Variants in SMAD2 observed in about 807,000 individuals in gnomAD.
The protein encoded by SMAD2 is MAD homolog 2.
SMAD2 carries 8 observed loss-of-function variants against 64.4 expected under a neutral mutation model. That is an observed-to-expected ratio of 0.12 (90% CI 0.07 to 0.22). SMAD2 has a LOEUF of 0.22. Among genes scored for constraint, SMAD2 ranks in the 10% least tolerant of loss-of-function variants. The pLI is 1.00. For synonymous variants in SMAD2, 203 were observed against 195.8 expected (o/e 1.04, Z -0.31); for missense variants, 289 against 561.2 (o/e 0.51, Z 4.90).
intron 1 of SMAD2, among the ~76,000 whole-genome samples, chr18:47,904,950 T>C (rs1240997160): frequency 6.6e-6 from 1 of 152,196 alleles, no homozygotes; most frequent in Non-Finnish European, 1.5e-5. Flanking sequence ...CCCTTACAAC[T>C]GGGAATAAGA....
At chr18:47,913,529 T>C (rs2034223272) in intron 1 of SMAD2, among the ~76,000 whole-genome samples, 1 of 152,208 alleles carries the variant, frequency 6.6e-6, no homozygotes, top group South Asian at 2.1e-4. Context: ...TCCGGAGAAT[T>C]TTTAAATTAT....
chr18:47,899,573 A>G (rs1406489882), intron 1 of SMAD2, among the ~76,000 whole-genome samples: 1 of 152,174 alleles, frequency 6.6e-6, no homozygotes, highest in African/African-American at 2.4e-5. Context: ...ATGCCAGAGA[A>G]CAAGTACTTA....
chr18:47,885,303 A>C (rs891898899), intron 2 of SMAD2, among the ~76,000 whole-genome samples: 1 of 151,890 alleles, frequency 6.6e-6, no homozygotes, highest in African/African-American at 2.4e-5. Context: ...AGCCTCTCAG[A>C]TAGCTGGAAT....
intron 10 of SMAD2, 199 bp downstream of exon 10, chr18:47,845,141 G>A (rs745784194): frequency 4.6e-6 from 3 of 658,868 alleles, no homozygotes; most frequent in Admixed American, 4.8e-5. Context: ...GCCTGTGCAT[G>A]TTTTAATATC....
At chr18:47,849,271 G>A (rs1302531175) in intron 7 of SMAD2, among the ~76,000 whole-genome samples, 1 of 152,022 alleles carries the variant, frequency 6.6e-6, no homozygotes, top group East Asian at 1.9e-4. Context: ...GATCATGCAA[G>A]TAGAAACAGA....
intron 1 of SMAD2, among the ~76,000 whole-genome samples, chr18:47,925,834 G>A (rs1364902051): frequency 6.6e-5 from 10 of 152,158 alleles, no homozygotes. Context: ...TTACAAGAAA[G>A]GGGATCAAAA....
intron 2 of SMAD2, among the ~76,000 whole-genome samples, chr18:47,873,915 T>C (rs1444021063): frequency 2.0e-5 from 3 of 152,110 alleles, no homozygotes; most frequent in Non-Finnish European, 2.9e-5. Context: ...AGAGGACACA[T>C]TTGGGGCTGC....
chr18:47,891,571 A>G (rs1383314994), intron 2 of SMAD2, among the ~76,000 whole-genome samples: 10 of 151,264 alleles, frequency 6.6e-5, no homozygotes, highest in African/African-American at 2.4e-4. Context: ...TATGGAGTGC[A>G]GTGGCTGTTC....
intron 2 of SMAD2, among the ~76,000 whole-genome samples, chr18:47,879,528 G>GTGTGTGTGTGTGTGTGTGTGT (rs1555653713): frequency 6.6e-6 from 1 of 151,028 alleles, no homozygotes; most frequent in South Asian, 2.1e-4. Flanking sequence ...GTGTGTGTGT[G>GTGTGTGTGTGTGTGTGTGTGT]GAGTCGTTTT....
At position 47,906,215 on chromosome 18, in the gene SMAD2, TTGAG is replaced by T. The variant is rs1237498669; in HGVS notation, c.-53-9410_-53-9407del. 3.3e-5 allele frequency among the ~76,000 whole-genome samples: 5 copies of T among 152,098 alleles called. No homozygotes were observed. In the East Asian group the frequency reaches 5.8e-4, roughly 18 times the overall value. ...AAAATGCTCCAAAATCTGAAACTTC[TTGAG>T]TACCAACATGACACCCCCAAAAAAA... On this transcript the variant is annotated intron_variant, in intron 1 of 10. Coordinates refer to ENST00000262160, the MANE Select transcript of SMAD2 (RefSeq NM_005901.6).
intron 1 of SMAD2, among the ~76,000 whole-genome samples, chr18:47,898,157 GAATT>G (rs972261859): frequency 6.6e-6 from 1 of 152,156 alleles, no homozygotes; most frequent in Non-Finnish European, 1.5e-5. Context: ...GGCAAAAATT[GAATT>G]AATTAAAATA....
chr18:47,875,306 A>G (rs1008994549), intron 2 of SMAD2, among the ~76,000 whole-genome samples: 1 of 152,120 alleles, frequency 6.6e-6, no homozygotes, highest in Non-Finnish European at 1.5e-5. Context: ...TCTAACCACA[A>G]TGTATTTCCC....
chr18:47,850,699 TATTATATACTATA>T (rs2029877156), intron 7 of SMAD2, among the ~76,000 whole-genome samples: 2 of 32,426 alleles, frequency 6.2e-5, no homozygotes, highest in South Asian at 1.0e-3. Flanking sequence ...GTATAATATA[TATTATATACTATA>T]TATATATTAT....
chr18:47,887,228 C>G (rs532336453), intron 2 of SMAD2, among the ~76,000 whole-genome samples: 1 of 152,326 alleles, frequency 6.6e-6, no homozygotes, highest in South Asian at 2.1e-4. Context: ...TTTGTATTAA[C>G]AATAAATGTC....
intron 6 of SMAD2, among the ~76,000 whole-genome samples, chr18:47,860,971 T>C (rs1465284485): frequency 6.6e-6 from 1 of 152,118 alleles, no homozygotes; most frequent in Admixed American, 6.6e-5. Flanking sequence ...ATCAGAACAA[T>C]GCAAAAATGT....
intron 7 of SMAD2, among the ~76,000 whole-genome samples, chr18:47,849,141 C>A (rs1914828985): frequency 6.6e-6 from 1 of 151,936 alleles, no homozygotes; most frequent in Non-Finnish European, 1.5e-5. Flanking sequence ...TAAAAGGATA[C>A]AAAATATGAC....
chr18:47,881,171 GTTATT>G (rs1392102144), intron 2 of SMAD2, among the ~76,000 whole-genome samples: 1 of 152,134 alleles, frequency 6.6e-6, no homozygotes, highest in Non-Finnish European at 1.5e-5. Context: ...AGTACTTCAT[GTTATT>G]TTTAGAATTT....
Position 47,823,063 on chromosome 18 carries a change from CAA to C in SMAD2, c.*18762_*18763del, listed in dbSNP as rs1912627805. 6.6e-6 allele frequency: 1 copy of C among 152,124 alleles called. No individual in the cohort carries two copies. The highest frequency in any genetic ancestry group is 1.9e-4 in the East Asian group (1 of 5,180). The allele number at this position is 152,124 out of a possible 1,614,324, so 9.4% of individuals were successfully genotyped here. The stretch of plus-strand genomic sequence containing the variant: ...AATCGGCTCTCGTTATAACAGGATA[CAA>C]TTGGAAACACTGGTTGTATTACCAA... On this transcript the variant is annotated 3_prime_UTR_variant, in exon 11 of 11. Transcript: ENST00000262160.
At position 47,896,652 on chromosome 18, in the gene SMAD2, C is replaced by A; in HGVS notation, c.105G>T (p.Gly35=). 6.2e-7 allele frequency: 1 copy of A among 1,614,168 alleles called. No homozygotes were observed. The highest frequency in any genetic ancestry group is 8.5e-7 in the Non-Finnish European group (1 of 1,180,012). ...CTTTCTCACACCACTTTTCTTCCTG[C>A]CCATTCTGCTCTCCTCCGCCTGCTC... is the stretch of plus-strand genomic sequence containing the variant. ...SGGAGGGEQN[G]QEEKWCEKAV... Residue 35 remains glycine (G), a synonymous_variant, in exon 2 of 11, where the codon GGG becomes GGT. Transcript: ENST00000262160.
Sources: allele counts gnomAD v4.1 joint callset (sites outside exome capture counted in the v4.1 genomes callset), GRCh38; gene constraint gnomAD v4.1.1; transcripts MANE v1.5; gene names NCBI Gene and HGNC (gene_info 2026-07-23, HGNC 2026-07-21).